Variants in CDH13 observed in about 807,000 individuals in gnomAD.
CDH13 encodes cadherin 13.
A neutral mutation model predicts 63.8 loss-of-function variants in CDH13; 24 were observed. That is an observed-to-expected ratio of 0.38 (90% CI 0.27 to 0.53). The LOEUF is 0.53. Ranked by LOEUF, CDH13 falls within the 20% of genes least tolerant of loss-of-function variation. The pLI, the probability that CDH13 is intolerant of heterozygous loss-of-function variation, is 0.85. For synonymous variants in CDH13, 503 were observed against 355.3 expected (o/e 1.42, Z -4.67); for missense variants, 1,049 against 903.1 (o/e 1.16, Z -2.07).
chr16:82,660,372 G>C (rs975210359), intron 1 of CDH13, among the ~76,000 whole-genome samples: 1 of 152,188 alleles, frequency 6.6e-6, no homozygotes, highest in Non-Finnish European at 1.5e-5. Context: ...AAATATGACA[G>C]AGAAACCACC....
At chr16:83,519,632 C>A (rs2074782448) in intron 7 of CDH13, among the ~76,000 whole-genome samples, 1 of 152,104 alleles carries the variant, frequency 6.6e-6, no homozygotes. Flanking sequence ...AAACCTATTT[C>A]TAAAATGTCC....
chr16:82,812,904 G>C (rs1167161366), intron 1 of CDH13, among the ~76,000 whole-genome samples: 4 of 151,796 alleles, frequency 2.6e-5, no homozygotes, highest in African/African-American at 9.7e-5. Flanking sequence ...TTGAGACAGA[G>C]AGGGTAGGAG....
chr16:82,786,733 C>T (rs1219350423), intron 1 of CDH13, among the ~76,000 whole-genome samples: 1 of 149,494 alleles, frequency 6.7e-6, no homozygotes, highest in Non-Finnish European at 1.5e-5. Flanking sequence ...CAATTCCCAC[C>T]TATGAGTGAG....
chr16:82,725,928 T>C (rs1010058070), intron 1 of CDH13, among the ~76,000 whole-genome samples: 9 of 152,172 alleles, frequency 5.9e-5, no homozygotes, highest in African/African-American at 2.2e-4. Context: ...CAGAGTTTTC[T>C]TGGCTAAGAT....
chr16:82,689,159 C>G (rs897006436), intron 1 of CDH13: 7 of 129,344 alleles, frequency 5.4e-5, no homozygotes, highest in African/African-American at 1.8e-4. Flanking sequence ...TTGCCTGCAT[C>G]CAAACATTTT....
At chr16:82,652,999 G>A (rs1910904989) in intron 1 of CDH13, among the ~76,000 whole-genome samples, 1 of 152,170 alleles carries the variant, frequency 6.6e-6, no homozygotes, top group African/African-American at 2.4e-5. Flanking sequence ...GGGTAAACAG[G>A]CGACCAAAAG....
intron 6 of CDH13, among the ~76,000 whole-genome samples, chr16:83,409,618 A>T (rs2092097790): frequency 6.6e-6 from 1 of 152,220 alleles, no homozygotes; most frequent in African/African-American, 2.4e-5. Context: ...TATGTGCTTT[A>T]TAGTGACTGA....
intron 1 of CDH13, among the ~76,000 whole-genome samples, chr16:82,846,369 A>C (rs1460769518): frequency 6.6e-6 from 1 of 152,012 alleles, no homozygotes; most frequent in Non-Finnish European, 1.5e-5. Flanking sequence ...TAAGAAATAT[A>C]TATCAGCTAT....
intron 4 of CDH13, among the ~76,000 whole-genome samples, chr16:83,195,827 A>T (rs1204566032): frequency 2.2e-4 from 33 of 152,226 alleles, no homozygotes. Context: ...AAACGTGTCC[A>T]ACTGCTTCTT....
Position 83,275,912 on chromosome 16 carries a change from G to A in CDH13, c.636+58415G>A, listed in dbSNP as rs185588608. Among the ~76,000 whole-genome samples, 517 of 152,238 alleles carry A rather than the reference G, an allele frequency of 3.4e-3. 5 individuals are homozygous for A. The highest frequency in any genetic ancestry group is 0.012 in the African/African-American group (488 of 41,524). ...GCTTACAAACTAATGAAGCACTTTC[G>A]TTTTTATGCTTTATGTTCTATAATA... is the stretch of plus-strand genomic sequence containing the variant. On this transcript the variant is annotated intron_variant, in intron 5 of 13. Coordinates refer to ENST00000567109, the MANE Select transcript of CDH13 (RefSeq NM_001257.5).
At chr16:83,127,207 A>T (rs2035849421) in intron 4 of CDH13, among the ~76,000 whole-genome samples, 1 of 152,178 alleles carries the variant, frequency 6.6e-6, no homozygotes. Flanking sequence ...GGTAAAAGTG[A>T]AATCAGAGAG....
rs56753707 is a variant in CDH13, at chr16:83,240,717, C to CTTTTTTT, written c.636+23240_636+23246dup. The stretch of plus-strand genomic sequence containing the variant: ...ATGACTTTAAATTTACTGTCTTAAT[C>CTTTTTTT]TTTTTTTTTTTTTTTTTTTTTTTTT... On this transcript the variant is annotated intron_variant, in intron 5 of 13. Coordinates refer to ENST00000567109, the MANE Select transcript of CDH13 (RefSeq NM_001257.5). 2.1e-4 allele frequency among the ~76,000 whole-genome samples: 17 copies of CTTTTTTT among 81,662 alleles called. 2 individuals carry two copies. Among genetic ancestry groups the CTTTTTTT allele is most frequent in the East Asian group, 1.4e-3 (3 of 2,132 alleles). 53.6% of individuals were successfully genotyped at this position (81,662 alleles called of 152,430 possible).
chr16:83,070,330 C>T (rs1481458589), intron 3 of CDH13, among the ~76,000 whole-genome samples: 6 of 152,088 alleles, frequency 3.9e-5, no homozygotes, highest in Non-Finnish European at 7.4e-5. Flanking sequence ...CTTTGAGGTG[C>T]CTTCTGGCCA....
At chr16:83,630,381 C>T (rs1255242929) in intron 8 of CDH13, among the ~76,000 whole-genome samples, 1 of 152,094 alleles carries the variant, frequency 6.6e-6, no homozygotes, top group Non-Finnish European at 1.5e-5. Flanking sequence ...TGACACGTGC[C>T]CGAGGTGCTC....
At chr16:83,794,905 C>G (rs1904274845) in intron 13 of CDH13, 118 bp from the exon 14 acceptor site, 3 of 894,666 alleles carry the variant, frequency 3.4e-6, no homozygotes, top group Non-Finnish European at 5.4e-6. Flanking sequence ...CCCCCATAGT[C>G]GTGTGATGTT....
intron 2 of CDH13, among the ~76,000 whole-genome samples, chr16:83,012,662 A>T (rs1914283662): frequency 6.6e-6 from 1 of 152,166 alleles, no homozygotes; most frequent in African/African-American, 2.4e-5. Context: ...CCCGAACTTG[A>T]TCTAAGCATG....
chr16:83,289,274 C>T (rs908390701), intron 5 of CDH13, among the ~76,000 whole-genome samples: 2 of 152,198 alleles, frequency 1.3e-5, no homozygotes, highest in African/African-American at 4.8e-5. Flanking sequence ...AATTGTAACA[C>T]CAGCTTCACT....
At chr16:83,709,236 C>A (rs1041893411) in intron 10 of CDH13, among the ~76,000 whole-genome samples, 2 of 152,086 alleles carry the variant, frequency 1.3e-5, no homozygotes, top group African/African-American at 4.8e-5. Context: ...ACAGCCCTGC[C>A]AACATCTTAA....
chr16:82,883,097 C>T (rs1001379560), intron 2 of CDH13, among the ~76,000 whole-genome samples: 5 of 152,110 alleles, frequency 3.3e-5, no homozygotes, highest in African/African-American at 1.2e-4. Context: ...TCACCTGAGG[C>T]TGTGACAATG....
Sources: allele counts gnomAD v4.1 joint callset (sites outside exome capture counted in the v4.1 genomes callset), GRCh38; gene constraint gnomAD v4.1.1; transcripts MANE v1.5; gene names NCBI Gene and HGNC (gene_info 2026-07-23, HGNC 2026-07-21).